HOMER1: variants seen among roughly 807,000 people sequenced by gnomAD.
The protein encoded by HOMER1 is homer protein homolog 1.
In HOMER1, 3 loss-of-function variants were observed where a neutral mutation model predicts 48.9. The ratio of observed to expected loss-of-function variants is 0.06; its 90% CI spans 0.03 to 0.16. The LOEUF is 0.16. HOMER1 is among the 10% of genes least tolerant of loss of function. The pLI is 1.00. For missense variants in HOMER1, 247 were observed against 411.4 expected, an observed-to-expected ratio of 0.60 and a Z score of 3.46; for synonymous variants, 134 against 146.4, an observed-to-expected ratio of 0.92 and a Z score of 0.61.
At chr5:79,455,684 T>G (rs1365879123) in intron 2 of HOMER1, among the ~76,000 whole-genome samples, 5 of 152,230 alleles carry the variant, frequency 3.3e-5, no homozygotes, top group Non-Finnish European at 4.4e-5. Flanking sequence ...GGCTCTACAG[T>G]GTGTGCACTT....
chr5:79,480,696 T>C (rs1343504639), intron 1 of HOMER1, among the ~76,000 whole-genome samples: 3 of 152,230 alleles, frequency 2.0e-5, no homozygotes, highest in Non-Finnish European at 2.9e-5. Context: ...TTCTAAAATC[T>C]GAGAATTTTA....
intron 4 of HOMER1, among the ~76,000 whole-genome samples, chr5:79,444,407 T>A (rs1224314913): frequency 6.6e-6 from 1 of 152,208 alleles, no homozygotes; most frequent in African/African-American, 2.4e-5. Context: ...GGCTTCTGTA[T>A]ATTAAATTGA....
chr5:79,485,077 T>TAAAACAAAACAAAAC lies in HOMER1; in HGVS notation c.5+27678_5+27692dup, dbSNP rs70975755. On this transcript the variant is annotated intron_variant, in intron 1 of 8. Transcript: ENST00000334082. Reference sequence around the variant, plus strand: ...AATCTTGTTAGAACTGTGTCAAAAGTAAAACAAAACAAAACAAAACAAAAC... The same window carrying TAAAACAAAACAAAAC: ...AATCTTGTTAGAACTGTGTCAAAAGTAAAACAAAACAAAACAAAACAAAACAAAACAAAACAAAAC... Among the ~76,000 whole-genome samples the TAAAACAAAACAAAAC allele has an allele frequency of 3.6e-3, 531 of 149,414 alleles. 3 individuals carry two copies. Among genetic ancestry groups the TAAAACAAAACAAAAC allele is most frequent in the African/African-American group, 0.012 (477 of 40,466 alleles).
chr5:79,440,144 AT>A (rs1465629546), intron 4 of HOMER1, among the ~76,000 whole-genome samples: 40 of 152,364 alleles, frequency 2.6e-4, no homozygotes, highest in African/African-American at 9.6e-4. Flanking sequence ...CTTAAAAAAA[AT>A]ACAAGATTTC....
At chr5:79,473,634 A>G (rs1751680781) in intron 1 of HOMER1, among the ~76,000 whole-genome samples, 1 of 152,196 alleles carries the variant, frequency 6.6e-6, no homozygotes, top group African/African-American at 2.4e-5. Flanking sequence ...ACAGCCTCTC[A>G]TTATATGAAA....
Position 79,468,214 on chromosome 5 carries a change from A to G in HOMER1, c.6-11196T>C, listed in dbSNP as rs1751530154. On this transcript the variant is annotated intron_variant, in intron 1 of 8. Coordinates refer to ENST00000334082, the MANE Select transcript of HOMER1 (RefSeq NM_004272.5). ...GAGAAAGTGAATTAATTTAAACTTTATCTGATACTCAGTTCAGTGTCTGAA... is the reference window on the plus strand; with the variant it reads ...GAGAAAGTGAATTAATTTAAACTTTGTCTGATACTCAGTTCAGTGTCTGAA... Among the ~76,000 whole-genome samples, 3 of 152,236 alleles carry G rather than the reference A, an allele frequency of 2.0e-5. No individual in the cohort carries two copies. The South Asian group carries it at 6.2e-4, about 32-fold the overall frequency.
Position 79,439,163 on chromosome 5 carries a change from G to A in HOMER1, c.388-14C>T. On this transcript the variant is annotated splice_polypyrimidine_tract_variant and intron_variant, in intron 4 of 8. Coordinates refer to ENST00000334082, the MANE Select transcript of HOMER1 (RefSeq NM_004272.5). ...GCCTGCGGATTCCTTTAAAAAAAGG[G>A]GTGGGGGATAAAAAATAGTTACACT... is the stretch of plus-strand genomic sequence containing the variant. 1.2e-6 allele frequency: 2 copies of A among 1,612,686 alleles called. No individual in the cohort carries two copies. Among genetic ancestry groups the A allele is most frequent in the Non-Finnish European group, 1.7e-6 (2 of 1,179,434 alleles).
intron 8 of HOMER1, among the ~76,000 whole-genome samples, chr5:79,383,576 G>C (rs1386893409): frequency 6.6e-6 from 1 of 152,022 alleles, no homozygotes. Flanking sequence ...AGTAGAGACA[G>C]AGTTTCACCA....
At chr5:79,471,177 T>C (rs1368550450) in intron 1 of HOMER1, among the ~76,000 whole-genome samples, 2 of 152,052 alleles carry the variant, frequency 1.3e-5, no homozygotes, top group South Asian at 2.1e-4. Flanking sequence ...TAATAAAACA[T>C]AAGGTAGATC....
intron 1 of HOMER1, among the ~76,000 whole-genome samples, chr5:79,468,404 A>AT (rs766969339): frequency 6.6e-6 from 1 of 152,218 alleles, no homozygotes; most frequent in Admixed American, 6.5e-5. Flanking sequence ...AAGACTTAGT[A>AT]TTTTTTTAAA....
At chr5:79,390,042 T>C (rs1490728056) in intron 8 of HOMER1, among the ~76,000 whole-genome samples, 2 of 152,120 alleles carry the variant, frequency 1.3e-5, no homozygotes, top group Non-Finnish European at 2.9e-5. Context: ...TCCTGGCACT[T>C]TGGGAGGCCA....
chr5:79,391,742 CA>C (rs959958115), intron 8 of HOMER1, among the ~76,000 whole-genome samples: 126 of 117,604 alleles, frequency 1.1e-3, no homozygotes, highest in Admixed American at 1.1e-3. Flanking sequence ...GACTCTGTCT[CA>C]AAAAAAAAAA....
chr5:79,507,136 C>A (rs1561392063), intron 1 of HOMER1, among the ~76,000 whole-genome samples: 1 of 148,950 alleles, frequency 6.7e-6, no homozygotes, highest in Admixed American at 6.8e-5. Flanking sequence ...ATGCTGGAAC[C>A]CGGGAGGCGG....
At chr5:79,488,802 G>C (rs936555999) in intron 1 of HOMER1, among the ~76,000 whole-genome samples, 26 of 152,212 alleles carry the variant, frequency 1.7e-4, no homozygotes, top group Admixed American at 2.6e-4. Context: ...AGCTAGATGG[G>C]GCACATATTC....
At chr5:79,430,741 A>G (rs1242738334) in intron 5 of HOMER1, among the ~76,000 whole-genome samples, 1 of 151,900 alleles carries the variant, frequency 6.6e-6, no homozygotes, top group Non-Finnish European at 1.5e-5. Flanking sequence ...GATCGAGACC[A>G]TCCTGGCCAA....
At chr5:79,452,218 TTTC>T (rs573141191) in intron 2 of HOMER1, among the ~76,000 whole-genome samples, 57 of 152,326 alleles carry the variant, frequency 3.7e-4, no homozygotes, top group Non-Finnish European at 6.6e-4. Flanking sequence ...TGCATACTCA[TTTC>T]TTTTCTCATA....
chr5:79,438,550 C>A (rs555910724), intron 5 of HOMER1, among the ~76,000 whole-genome samples: 1 of 152,066 alleles, frequency 6.6e-6, no homozygotes, highest in African/African-American at 2.4e-5. Flanking sequence ...TGTGAAATCA[C>A]GTGGTGAGAT....
intron 8 of HOMER1, among the ~76,000 whole-genome samples, chr5:79,389,181 T>C (rs1018298353): frequency 7.9e-5 from 12 of 152,098 alleles, no homozygotes; most frequent in African/African-American, 2.9e-4. Flanking sequence ...GGAGTGTCAT[T>C]TTCAAGTAAC....
intron 5 of HOMER1, among the ~76,000 whole-genome samples, chr5:79,419,933 T>C (rs909755137): frequency 5.3e-5 from 8 of 152,242 alleles, no homozygotes; most frequent in Non-Finnish European, 1.2e-4. Flanking sequence ...AATTTGGGCA[T>C]TTATATATCT....
Sources: gnomAD v4.1 joint callset for allele counts (sites outside exome capture counted in the v4.1 genomes callset) on GRCh38, gnomAD v4.1.1 for gene constraint, MANE v1.5 for transcripts, NCBI Gene and HGNC (gene_info 2026-07-23, HGNC 2026-07-21) for gene names.